The following CDH13 variants were observed in gnomAD, a reference collection of about 807,000 sequenced individuals.
CDH13 encodes cadherin-13.
In CDH13, 24 loss-of-function variants were observed where a neutral mutation model predicts 63.8. That is an observed-to-expected ratio of 0.38 (90% CI 0.27 to 0.53). The LOEUF is 0.53. Ranked by LOEUF, CDH13 falls within the 20% of genes least tolerant of loss-of-function variation. The pLI, the probability that CDH13 is intolerant of heterozygous loss-of-function variation, is 0.85. For synonymous variants in CDH13, 503 were observed against 355.3 expected (o/e 1.42, Z -4.67); for missense variants, 1,049 against 903.1 (o/e 1.16, Z -2.07).
At chr16:82,897,620 T>A (rs2041312885) in intron 2 of CDH13, among the ~76,000 whole-genome samples, 1 of 152,224 alleles carries the variant, frequency 6.6e-6, no homozygotes. Flanking sequence ...CAACAACTAA[T>A]AAATGACTCA....
At chr16:83,299,655 A>T (rs2089686521) in intron 5 of CDH13, among the ~76,000 whole-genome samples, 1 of 152,232 alleles carries the variant, frequency 6.6e-6, no homozygotes, top group African/African-American at 2.4e-5. Context: ...ACCTCCTCTC[A>T]TTAAGGATAC....
intron 3 of CDH13, among the ~76,000 whole-genome samples, chr16:83,104,684 C>T (rs540132127): frequency 4.6e-5 from 7 of 152,060 alleles, no homozygotes; most frequent in African/African-American, 1.7e-4. Flanking sequence ...CTCCCCAAGC[C>T]GAATAATGTT....
chr16:83,240,524 G>C (rs529302371), intron 5 of CDH13, among the ~76,000 whole-genome samples: 51 of 152,186 alleles, frequency 3.4e-4, no homozygotes, highest in South Asian at 8.3e-4. Flanking sequence ...CCATGGCCAA[G>C]GTGGAGGTGA....
At chr16:83,384,260 T>A (rs976435028) in intron 6 of CDH13, among the ~76,000 whole-genome samples, 1 of 152,178 alleles carries the variant, frequency 6.6e-6, no homozygotes, top group Non-Finnish European at 1.5e-5. Context: ...AATCACATGA[T>A]GTAACCAGCC....
In CDH13 at chr16:82,935,335, G is replaced by A. The variant is rs1325996327; in HGVS notation, c.157+76862G>A. Among the ~76,000 whole-genome samples, 5 of 152,270 alleles carry A rather than the reference G, an allele frequency of 3.3e-5. No homozygotes were observed. In the South Asian group the frequency reaches 6.2e-4, roughly 19 times the overall value. ...CCCATGACCTAATCACCTCCCATGA[G>A]GTCCCTCCCCCAACACGTGGGGATT... is the stretch of plus-strand genomic sequence containing the variant. On this transcript the variant is annotated intron_variant, in intron 2 of 13. Transcript: ENST00000567109.
intron 5 of CDH13, among the ~76,000 whole-genome samples, chr16:83,312,552 T>A (rs7203852): frequency 0.029 from 4,352 of 152,204 alleles, 209 homozygotes; most frequent in African/African-American, 0.099. Context: ...TTAGGTTGTA[T>A]CATAAGGCCA....
At chr16:83,477,952 C>T (rs79148175) in intron 6 of CDH13, among the ~76,000 whole-genome samples, 15,983 of 151,996 alleles carry the variant, frequency 0.11, 926 homozygotes, top group Non-Finnish European at 0.13. Context: ...GAGGCCGAGT[C>T]GGGTGGATCA....
At chr16:83,389,707 C>G (rs887708394) in intron 6 of CDH13, among the ~76,000 whole-genome samples, 4 of 152,144 alleles carry the variant, frequency 2.6e-5, no homozygotes, top group Non-Finnish European at 5.9e-5. Context: ...AATGCATTTT[C>G]CAAGACTCCC....
intron 2 of CDH13, among the ~76,000 whole-genome samples, chr16:82,930,458 A>G (rs1474870940): frequency 1.0e-5 from 1 of 96,982 alleles, no homozygotes; most frequent in Non-Finnish European, 2.3e-5. Context: ...TTATATGGGA[A>G]TGTTTTAACT....
chr16:82,941,701 C>G (rs1455703157), intron 2 of CDH13, among the ~76,000 whole-genome samples: 1 of 152,188 alleles, frequency 6.6e-6, no homozygotes, highest in Non-Finnish European at 1.5e-5. Flanking sequence ...CTCTCTATCT[C>G]TAACCACCTC....
chr16:83,319,779 A>T (rs1251826461), intron 5 of CDH13, among the ~76,000 whole-genome samples: 2 of 152,214 alleles, frequency 1.3e-5, no homozygotes, highest in Non-Finnish European at 2.9e-5. Flanking sequence ...AAGAATGAGA[A>T]CACAGGGAAA....
chr16:83,174,200 T>C (rs2038032098), intron 4 of CDH13, among the ~76,000 whole-genome samples: 1 of 152,074 alleles, frequency 6.6e-6, no homozygotes, highest in Non-Finnish European at 1.5e-5. Context: ...TGAGGTCAGT[T>C]CGGGGTCTGT....
At chr16:82,999,273 C>T (rs7499751) in intron 2 of CDH13, among the ~76,000 whole-genome samples, 7,718 of 152,074 alleles carry the variant, frequency 0.051, 232 homozygotes, top group African/African-American at 0.08. Flanking sequence ...TTTGTCAGTC[C>T]CAAAGCTCCT....
intron 5 of CDH13, among the ~76,000 whole-genome samples, chr16:83,309,809 A>AT (rs60865903): frequency 0.045 from 6,504 of 144,902 alleles, 157 homozygotes; most frequent in East Asian, 0.078. Context: ...CTCCCATGGG[A>AT]TTTTTTTTTT....
At chr16:83,088,849 A>G (rs1340663795) in intron 3 of CDH13, among the ~76,000 whole-genome samples, 2 of 152,208 alleles carry the variant, frequency 1.3e-5, no homozygotes, top group Non-Finnish European at 2.9e-5. Context: ...GAAGTTTAGA[A>G]CAGAGATTTT....
At chr16:83,152,213 C>G (rs2037012301) in intron 4 of CDH13, among the ~76,000 whole-genome samples, 1 of 152,148 alleles carries the variant, frequency 6.6e-6, no homozygotes, top group African/African-American at 2.4e-5. Flanking sequence ...TGTTTGATGT[C>G]TTACATGCCA....
chr16:82,846,069 C>T (rs1567594833), intron 1 of CDH13, among the ~76,000 whole-genome samples: 1 of 152,176 alleles, frequency 6.6e-6, no homozygotes, highest in Admixed American at 6.5e-5. Flanking sequence ...AAAACACCTT[C>T]AAATAATCTG....
intron 1 of CDH13, among the ~76,000 whole-genome samples, chr16:82,835,422 C>G (rs931125329): frequency 2.6e-5 from 4 of 152,196 alleles, no homozygotes. Context: ...CCAATTTTAG[C>G]TGGAGGGACC....
At chr16:82,828,619 C>T (rs914483665) in intron 1 of CDH13, among the ~76,000 whole-genome samples, 8 of 149,876 alleles carry the variant, frequency 5.3e-5, no homozygotes, top group Admixed American at 2.7e-4. Context: ...GAGGGCCTGT[C>T]TAAAATAAAA....
Sources: allele counts gnomAD v4.1 joint callset (sites outside exome capture counted in the v4.1 genomes callset), GRCh38; gene constraint gnomAD v4.1.1; transcripts MANE v1.5; gene names NCBI Gene and HGNC (gene_info 2026-07-23, HGNC 2026-07-21).